Variants in PTPRN2 observed in about 807,000 individuals in gnomAD.
PTPRN2 encodes the protein protein tyrosine phosphatase receptor type N2.
PTPRN2 carries 74 observed loss-of-function variants against 118.8 expected under a neutral mutation model. The ratio of observed to expected loss-of-function variants is 0.62; its 90% CI spans 0.52 to 0.76. PTPRN2 has a LOEUF of 0.76. Among genes scored for constraint, PTPRN2 ranks in the 30% least tolerant of loss-of-function variants. PTPRN2 has a pLI of 0.00. For missense variants in PTPRN2, 1,481 were observed against 1,394.4 expected (o/e 1.06, Z -0.99); for synonymous variants, 641 against 608.0 (o/e 1.05, Z -0.80).
chr7:158,402,867 G>A (rs1477594976), intron 2 of PTPRN2, among the ~76,000 whole-genome samples: 1 of 152,180 alleles, frequency 6.6e-6, no homozygotes, highest in African/African-American at 2.4e-5. Flanking sequence ...TTGCCCAGCA[G>A]AAAGCAAAAC....
intron 1 of PTPRN2, among the ~76,000 whole-genome samples, chr7:158,558,083 TG>T (rs551844572): frequency 5.3e-5 from 8 of 152,238 alleles, no homozygotes; most frequent in African/African-American, 1.9e-4. Flanking sequence ...CTTCTGGGCT[TG>T]GGGGATCCTC....
chr7:158,065,462 T>C (rs1810696023), intron 11 of PTPRN2, among the ~76,000 whole-genome samples: 2 of 152,222 alleles, frequency 1.3e-5, no homozygotes, highest in Admixed American at 6.5e-5. Flanking sequence ...GCAGCTGTGT[T>C]CACATGGTCA....
chr7:158,273,437 CA>C (rs1798653214), intron 3 of PTPRN2, among the ~76,000 whole-genome samples: 3 of 113,736 alleles, frequency 2.6e-5, no homozygotes, highest in African/African-American at 9.7e-5. Context: ...GAGCCGCAGA[CA>C]GACGCGGGAG....
Position 158,205,293 on chromosome 7 carries a change from A to C in PTPRN2, c.278-20T>G, listed in dbSNP as rs769354356. ...TGAAACCTGTGGACAAAAATTGCAAAAATTATGTCATCATTTTGGAAATTT... is the reference window on the plus strand; with the variant it reads ...TGAAACCTGTGGACAAAAATTGCAACAATTATGTCATCATTTTGGAAATTT... On this transcript the variant is annotated intron_variant, in intron 3 of 22. Coordinates refer to ENST00000389418, the MANE Select transcript of PTPRN2 (RefSeq NM_002847.5). 3.6e-5 allele frequency: 56 copies of C among 1,571,648 alleles called. No homozygotes were observed. The highest frequency in any genetic ancestry group is 4.4e-5 in the Non-Finnish European group (50 of 1,142,700).
chr7:158,546,973 G>GCAGAGCT lies in PTPRN2; in HGVS notation c.112+40578_112+40584dup, dbSNP rs1415562882. Among the ~76,000 whole-genome samples, 1 of 152,146 alleles carries GCAGAGCT rather than the reference G, an allele frequency of 6.6e-6. No homozygotes were observed. The highest frequency in any genetic ancestry group is 1.5e-5 in the Non-Finnish European group (1 of 68,018). The stretch of plus-strand genomic sequence containing the variant: ...CCAGGTGAGGCCACAGCCAGCCCAT[G>GCAGAGCT]CAGAGCTCAGAGCTCACGGCAGAGC... On this transcript the variant is annotated intron_variant, in intron 1 of 22. Transcript: ENST00000389418. The surrounding 1 kb of genome is among the most constrained non-coding windows in gnomAD (Gnocchi z 5.0).
At chr7:158,072,443 G>T (rs1237568767) in intron 11 of PTPRN2, among the ~76,000 whole-genome samples, 1 of 152,170 alleles carries the variant, frequency 6.6e-6, no homozygotes, top group African/African-American at 2.4e-5. Context: ...TGAGAGCCCA[G>T]GGGCCTTGGG....
intron 3 of PTPRN2, among the ~76,000 whole-genome samples, chr7:158,211,874 C>T (rs1827628321): frequency 6.6e-6 from 1 of 152,088 alleles, no homozygotes; most frequent in African/African-American, 2.4e-5. Flanking sequence ...TAGGTTTATA[C>T]CCAAAAGGTA....
chr7:157,855,180 T>C (rs1366715574), intron 12 of PTPRN2, among the ~76,000 whole-genome samples: 1 of 149,838 alleles, frequency 6.7e-6, no homozygotes, highest in Non-Finnish European at 1.5e-5. Context: ...GGCTGCACCA[T>C]TGCAGGGGTG....
intron 5 of PTPRN2, among the ~76,000 whole-genome samples, chr7:158,186,882 G>A (rs1038444905): frequency 7.2e-5 from 11 of 152,182 alleles, no homozygotes; most frequent in Non-Finnish European, 1.6e-4. Context: ...CCTTAATCTA[G>A]CACCATTTCT....
chr7:158,260,825 G>A (rs77456399), intron 3 of PTPRN2, among the ~76,000 whole-genome samples: 15 of 152,310 alleles, frequency 9.8e-5, no homozygotes, highest in African/African-American at 3.4e-4. Flanking sequence ...GAAGCCAGGA[G>A]AGAAAGCTGA....
intron 12 of PTPRN2, among the ~76,000 whole-genome samples, chr7:157,755,555 T>G (rs534024665): frequency 6.6e-6 from 1 of 152,258 alleles, no homozygotes; most frequent in South Asian, 2.1e-4. Flanking sequence ...ATAAAAAGAA[T>G]GAAATCATGT....
chr7:157,670,060 C>T (rs924669196), intron 13 of PTPRN2, among the ~76,000 whole-genome samples: 8 of 152,172 alleles, frequency 5.3e-5, no homozygotes, highest in Admixed American at 5.2e-4. Flanking sequence ...ACCGAGTGTC[C>T]CACACCAAGG....
intron 11 of PTPRN2, chr7:158,030,313 G>A (rs1807594571): frequency 6.6e-6 from 1 of 152,304 alleles, no homozygotes; most frequent in Non-Finnish European, 1.5e-5. Flanking sequence ...AGAACCCGCA[G>A]GATGAGGCAG....
chr7:157,827,800 G>A (rs946771136), intron 12 of PTPRN2, among the ~76,000 whole-genome samples: 5 of 152,230 alleles, frequency 3.3e-5, no homozygotes, highest in African/African-American at 7.2e-5. Context: ...CGCCCTCGCC[G>A]GCTGTGATGC....
chr7:158,002,485 G>A lies in PTPRN2; in HGVS notation c.1723+78813C>T, dbSNP rs138864473. 2.6e-3 allele frequency among the ~76,000 whole-genome samples: 403 copies of A among 152,254 alleles called. 3 individuals carry two copies. The highest frequency in any genetic ancestry group is 9.3e-3 in the African/African-American group (387 of 41,538). ...TCCCCAGTACAGTGGACGGCGCCTC[G>A]TGAGCCGGATGGCAACCTGGCCAGC... On this transcript the variant is annotated intron_variant, in intron 11 of 22. Transcript: ENST00000389418.
chr7:157,933,462 CTGAT>C (rs1416428923), intron 11 of PTPRN2, among the ~76,000 whole-genome samples: 3 of 147,212 alleles, frequency 2.0e-5, no homozygotes, highest in Non-Finnish European at 3.0e-5. Flanking sequence ...GTGAGTCACT[CTGAT>C]TGACAGTTTT....
intron 2 of PTPRN2, among the ~76,000 whole-genome samples, chr7:158,334,538 C>T (rs1232655575): frequency 4.5e-5 from 5 of 110,872 alleles, no homozygotes; most frequent in South Asian, 3.4e-4. Flanking sequence ...GCAGACGTCA[C>T]TCACACCCAC....
At chr7:158,503,094 C>T (rs1237724743) in intron 1 of PTPRN2, among the ~76,000 whole-genome samples, 2 of 152,002 alleles carry the variant, frequency 1.3e-5, no homozygotes, top group African/African-American at 4.8e-5. Context: ...CCACTGTGTC[C>T]ATCAACTACT....
chr7:157,606,709 G>A (rs1477845479), intron 15 of PTPRN2, among the ~76,000 whole-genome samples: 4 of 152,254 alleles, frequency 2.6e-5, no homozygotes, highest in African/African-American at 9.6e-5. Context: ...TCATGGAGCA[G>A]TGTGGTGGTG....
Sources: gnomAD v4.1 joint callset for allele counts (sites outside exome capture counted in the v4.1 genomes callset) on GRCh38, gnomAD v4.1.1 for gene constraint, Gnocchi (gnomAD v3.1) non-coding constraint, MANE v1.5 for transcripts, NCBI Gene and HGNC (gene_info 2026-07-23, HGNC 2026-07-21) for gene names.